The following VAT1L variants were observed in gnomAD, a reference collection of about 807,000 sequenced individuals.
The protein encoded by VAT1L is vesicle amine transport 1 like.
In VAT1L, 34 loss-of-function variants were observed where a neutral mutation model predicts 44.1. That is an observed-to-expected ratio of 0.77 (90% CI 0.59 to 1.03). The LOEUF is 1.03. Ranked by LOEUF, VAT1L falls within the 50% of genes least tolerant of loss-of-function variation. The pLI, the probability that VAT1L is intolerant of heterozygous loss-of-function variation, is 0.00. For synonymous variants in VAT1L, 253 were observed against 202.2 expected (o/e 1.25, Z -2.13); for missense variants, 615 against 538.8 (o/e 1.14, Z -1.40).
intron 3 of VAT1L, among the ~76,000 whole-genome samples, chr16:77,840,811 C>T (rs189675822): frequency 6.8e-4 from 104 of 152,298 alleles, no homozygotes; most frequent in Admixed American, 6.7e-3. Context: ...TCAGCTTGCT[C>T]ATTTGTAAAC....
rs2018358845 is a variant in VAT1L, at chr16:77,977,912, C to A, written c.*217C>A. 8 of 514,930 alleles carry A rather than the reference C, an allele frequency of 1.6e-5. No individual in the cohort carries two copies. The South Asian group carries it at 1.7e-4, about 11-fold the overall frequency. The allele number at this position is 514,930 out of a possible 1,614,324, so 31.9% of individuals were successfully genotyped here. A position where few individuals can be genotyped will look rare whatever the true frequency, so the allele number is the denominator to read the frequency against. On this transcript the variant is annotated 3_prime_UTR_variant, in exon 9 of 9. Transcript: ENST00000302536. ...GTCCCTCTCCTATCTGTGTATTACA[C>A]ATTCCCCTCTCCCCTGTATCAAAAC...
rs10689119 is a variant in VAT1L, at chr16:77,805,865, C to CTTTTTTTTTTTTTTTT, written c.234-11041_234-11040insTTTTTTTTTTTTTTTT. Among the ~76,000 whole-genome samples the CTTTTTTTTTTTTTTTT allele has an allele frequency of 4.8e-4, 38 of 78,850 alleles. 5 individuals are homozygous for CTTTTTTTTTTTTTTTT. The highest frequency in any genetic ancestry group is 9.4e-4 in the East Asian group (2 of 2,126). The allele number at this position is 78,850 out of a possible 152,430, so 51.7% of individuals were successfully genotyped here. On this transcript the variant is annotated intron_variant, in intron 1 of 8. Transcript: ENST00000302536. ...GTGTTATTTTTTCCTTAGTCTCTGC[C>CTTTTTTTTTTTTTTTT]TTTTTTTTTTTTTTTGAGATGGAGT...
intron 7 of VAT1L, among the ~76,000 whole-genome samples, chr16:77,906,054 T>G (rs1172828768): frequency 6.6e-6 from 1 of 152,204 alleles, no homozygotes; most frequent in Non-Finnish European, 1.5e-5. Flanking sequence ...ATTTCACCAC[T>G]GTCCCCCCAG....
At chr16:77,894,901 T>C (rs2017305975) in intron 7 of VAT1L, among the ~76,000 whole-genome samples, 1 of 152,076 alleles carries the variant, frequency 6.6e-6, no homozygotes, top group Non-Finnish European at 1.5e-5. Flanking sequence ...TCCTTATTAA[T>C]ATCCTAGCTG....
chr16:77,860,371 G>A lies in VAT1L; in HGVS notation c.580-2377G>A, dbSNP rs372896873. 7.2e-5 allele frequency among the ~76,000 whole-genome samples: 11 copies of A among 152,328 alleles called. No homozygotes were observed. The South Asian group carries it at 1.4e-3, about 20-fold the overall frequency. On this transcript the variant is annotated intron_variant, in intron 3 of 8. Transcript: ENST00000302536. The stretch of plus-strand genomic sequence containing the variant: ...GCCAGGTGGAGACAAATGCCAAAAC[G>A]ATAGAGACCCAAGTCCAGGACTCAG...
At chr16:77,954,013 A>G (rs189219887) in intron 7 of VAT1L, among the ~76,000 whole-genome samples, 1 of 152,184 alleles carries the variant, frequency 6.6e-6, no homozygotes, top group African/African-American at 2.4e-5. Flanking sequence ...AACTTCTCAC[A>G]CACATCCTGT....
intron 7 of VAT1L, among the ~76,000 whole-genome samples, chr16:77,954,129 A>T (rs1211432435): frequency 6.6e-6 from 1 of 152,196 alleles, no homozygotes; most frequent in East Asian, 1.9e-4. Context: ...GGTATAATTA[A>T]CAGAAAAACA....
chr16:77,975,184 G>A (rs2018323058), intron 8 of VAT1L, among the ~76,000 whole-genome samples: 1 of 111,894 alleles, frequency 8.9e-6, no homozygotes, highest in Non-Finnish European at 1.8e-5. Context: ...TTCTCCTACT[G>A]GAATGACCAC....
Position 77,843,296 on chromosome 16 carries a change from C to T in VAT1L, c.579+17835C>T, listed in dbSNP as rs1314132861. ...AGAAGCCAGCTGGGCAGTGGGAGGG[C>T]AGGGGTGAAGCTCATGGGGCTGGCA... On this transcript the variant is annotated intron_variant, in intron 3 of 8. Transcript: ENST00000302536. 3.3e-5 allele frequency among the ~76,000 whole-genome samples: 5 copies of T among 151,916 alleles called. No homozygotes were observed. The East Asian group carries it at 9.7e-4, about 29-fold the overall frequency.
intron 7 of VAT1L, among the ~76,000 whole-genome samples, chr16:77,946,474 A>G (rs937987660): frequency 1.3e-5 from 2 of 150,732 alleles, no homozygotes; most frequent in Admixed American, 6.6e-5. Flanking sequence ...AGTAGAGACA[A>G]GGTTTCACCG....
chr16:77,908,485 A>G (rs1239406281), intron 7 of VAT1L, among the ~76,000 whole-genome samples: 1 of 149,624 alleles, frequency 6.7e-6, no homozygotes, highest in African/African-American at 2.5e-5. Context: ...AAAAAAAAAA[A>G]AAAAGCCATC....
chr16:77,900,060 C>T (rs1032822212), intron 7 of VAT1L, among the ~76,000 whole-genome samples: 25 of 152,352 alleles, frequency 1.6e-4, no homozygotes, highest in Admixed American at 2.6e-4. Flanking sequence ...CCTGACTCTA[C>T]ACCTTCTATT....
At chr16:77,789,888 G>C (rs1000409558) in intron 1 of VAT1L, among the ~76,000 whole-genome samples, 2 of 152,162 alleles carry the variant, frequency 1.3e-5, no homozygotes, top group Admixed American at 6.5e-5. Context: ...TCTGGGAAGA[G>C]CTTACCCAGC....
At chr16:77,874,839 TAAAAAAAA>T (rs769810512) in intron 4 of VAT1L, among the ~76,000 whole-genome samples, 3 of 87,718 alleles carry the variant, frequency 3.4e-5, no homozygotes, top group East Asian at 3.7e-4. Context: ...AATTAATTTG[TAAAAAAAA>T]AAAAAAAAAA....
At position 77,879,919 on chromosome 16, in the gene VAT1L, G is replaced by GTCTCCCCA. The variant is rs1246011534; in HGVS notation, c.882+698_882+705dup. ...CTCTGGGGGTACTTGAGATTTCTCT[G>GTCTCCCCA]TCTCCCCATCCTCTTGAATCGGAGA... On this transcript the variant is annotated intron_variant, in intron 6 of 8. Transcript: ENST00000302536. This position sits in a 1 kb window ranked among gnomAD's most constrained non-coding sequence, Gnocchi z 4.1. Among the ~76,000 whole-genome samples, 5 of 152,108 alleles carry GTCTCCCCA rather than the reference G, an allele frequency of 3.3e-5. No individual in the cohort carries two copies. The highest frequency in any genetic ancestry group is 5.9e-5 in the Non-Finnish European group (4 of 68,028).
chr16:77,971,240 AT>A (rs2018274797), intron 7 of VAT1L, among the ~76,000 whole-genome samples: 1 of 152,194 alleles, frequency 6.6e-6, no homozygotes, highest in Non-Finnish European at 1.5e-5. Flanking sequence ...GTTTCAGAGG[AT>A]CCCAGGAGAC....
In VAT1L at chr16:77,805,865, C is replaced by CTTTTTTTTTTTTTTTTTTTTTT. The variant is rs10689119; in HGVS notation, c.234-11041_234-11040insTTTTTTTTTTTTTTTTTTTTTT. 1.1e-3 allele frequency among the ~76,000 whole-genome samples: 84 copies of CTTTTTTTTTTTTTTTTTTTTTT among 78,854 alleles called. 15 individuals are homozygous for CTTTTTTTTTTTTTTTTTTTTTT. Among genetic ancestry groups the CTTTTTTTTTTTTTTTTTTTTTT allele is most frequent in the African/African-American group, 1.5e-3 (40 of 27,056 alleles). 51.7% of individuals were successfully genotyped at this position (78,854 alleles called of 152,430 possible). On this transcript the variant is annotated intron_variant, in intron 1 of 8. Coordinates refer to ENST00000302536, the MANE Select transcript of VAT1L (RefSeq NM_020927.3). ...GTGTTATTTTTTCCTTAGTCTCTGC[C>CTTTTTTTTTTTTTTTTTTTTTT]TTTTTTTTTTTTTTTGAGATGGAGT...
chr16:77,915,375 T>G (rs2017541779), intron 7 of VAT1L, among the ~76,000 whole-genome samples: 1 of 152,220 alleles, frequency 6.6e-6, no homozygotes, highest in African/African-American at 2.4e-5. Flanking sequence ...TATTAAACAT[T>G]TATCTGCACA....
intron 7 of VAT1L, among the ~76,000 whole-genome samples, chr16:77,962,740 G>GAAGGAAGGAAGGAAGGAAGA (rs1567523615): frequency 7.7e-5 from 1 of 13,000 alleles, no homozygotes; most frequent in Non-Finnish European, 1.9e-4. Context: ...AAGAAGGAAA[G>GAAGGAAGGAAGGAAGGAAGA]AAGGAAGGAA....
Sources: gnomAD v4.1 joint callset for allele counts (sites outside exome capture counted in the v4.1 genomes callset) on GRCh38, gnomAD v4.1.1 for gene constraint, Gnocchi (gnomAD v3.1) non-coding constraint, MANE v1.5 for transcripts, NCBI Gene and HGNC (gene_info 2026-07-23, HGNC 2026-07-21) for gene names.